The following VPS54 variants were observed in gnomAD, a reference collection of about 807,000 sequenced individuals.
The protein encoded by VPS54 is VPS54 subunit of GARP complex.
In VPS54, 45 loss-of-function variants were observed where a neutral mutation model predicts 121.5. The ratio of observed to expected loss-of-function variants is 0.37; its 90% confidence interval spans 0.29 to 0.47. VPS54 has a LOEUF of 0.47. VPS54 is among the 20% of genes least tolerant of loss of function. The probability of loss-of-function intolerance (pLI) is 0.99; values close to 1 mark genes in which losing one functional copy is unlikely to be tolerated. For missense variants in VPS54, 1,090 were observed against 1,131.4 expected (o/e 0.96, Z 0.52); for synonymous variants, 371 against 385.8 (o/e 0.96, Z 0.45).
intron 20 of VPS54, among the ~76,000 whole-genome samples, chr2:63,910,694 C>G (rs6705192): frequency 0.78 from 118,377 of 152,092 alleles, 47,384 homozygotes; most frequent in African/African-American, 0.89. Context: ...GAATATAGGT[C>G]ATGCATACAT....
intron 5 of VPS54, among the ~76,000 whole-genome samples, chr2:63,967,282 G>C (rs1201261424): frequency 1.3e-5 from 2 of 151,860 alleles, no homozygotes; most frequent in East Asian, 3.8e-4. Context: ...TCCCTGCTTT[G>C]GTATTATAAC....
In VPS54 at chr2:63,976,021, C is replaced by T. The variant is rs978852183; in HGVS notation, c.379-3777G>A. On this transcript the variant is annotated intron_variant, in intron 3 of 22. Transcript: ENST00000272322. ...CTGGGATTACAGGCGTGAGCCGACA[C>T]GCCCGGTACATTCTTTATCAAGTTA... Among the ~76,000 whole-genome samples, 8 of 152,168 alleles carry T rather than the reference C, an allele frequency of 5.3e-5. No homozygotes were observed. In the South Asian group the frequency reaches 6.2e-4, roughly 12 times the overall value.
chr2:64,012,765 T>C (rs1678489591), intron 1 of VPS54, among the ~76,000 whole-genome samples: 1 of 152,022 alleles, frequency 6.6e-6, no homozygotes, highest in African/African-American at 2.4e-5. Context: ...CTCCTCCAGC[T>C]ACTACTTCTC....
chr2:63,897,597 AAG>A lies in VPS54; in HGVS notation c.2734-9_2734-8del, dbSNP rs1262493680. 6.8e-6 allele frequency: 10 copies of A among 1,464,360 alleles called. No homozygotes were observed. The highest frequency in any genetic ancestry group is 1.8e-4 in the Middle Eastern group (1 of 5,610). The allele number at this position is 1,464,360 out of a possible 1,614,324, so 90.7% of individuals were successfully genotyped here. A position where few individuals can be genotyped will look rare whatever the true frequency, so the allele number is the denominator to read the frequency against. ...TAATTCTTAAAAATAACATCTGAAA[AAG>A]AAATAAAACTAAGTTTCTTAAAGTT... is the stretch of plus-strand genomic sequence containing the variant. On this transcript the variant is annotated splice_region_variant and splice_polypyrimidine_tract_variant and intron_variant, in intron 21 of 22. Transcript: ENST00000272322.
rs756260045 is a variant in VPS54 at position 63,916,890 on chromosome 2, T to A, written c.2228+10A>T. The A allele has an allele frequency of 6.2e-7, 1 of 1,613,176 alleles. No individual in the cohort carries two copies. The highest frequency in any genetic ancestry group is 1.1e-5 in the South Asian group (1 of 90,992). Reference sequence around the variant, plus strand: ...TTGACTCAACTACTAAAGAAAAATGTGTCACTCACCCAACAACTGCATACT... The same window carrying A: ...TTGACTCAACTACTAAAGAAAAATGAGTCACTCACCCAACAACTGCATACT... On this transcript the variant is annotated intron_variant, in intron 16 of 22. Coordinates refer to ENST00000272322, the MANE Select transcript of VPS54 (RefSeq NM_016516.3).
intron 1 of VPS54, among the ~76,000 whole-genome samples, chr2:64,017,574 G>C (rs958590217): frequency 3.3e-5 from 5 of 152,168 alleles, no homozygotes; most frequent in African/African-American, 1.2e-4. Flanking sequence ...GCCAAATGCT[G>C]TAGTAACAAT....
At chr2:63,920,343 C>CAG (rs1673585493) in intron 14 of VPS54, 103 bp downstream of exon 14, 2 of 1,098,602 alleles carry the variant, frequency 1.8e-6, no homozygotes, top group East Asian at 5.8e-5. Flanking sequence ...AAACCTTTAT[C>CAG]AGGCATTTTC....
At chr2:63,935,308 T>C (rs1195073282) in intron 11 of VPS54, among the ~76,000 whole-genome samples, 1 of 152,182 alleles carries the variant, frequency 6.6e-6, no homozygotes, top group East Asian at 1.9e-4. Context: ...CCATACAGTA[T>C]ACCGAAGATA....
chr2:63,906,208 G>A (rs1237761392), intron 20 of VPS54, among the ~76,000 whole-genome samples: 1 of 152,094 alleles, frequency 6.6e-6, no homozygotes, highest in Non-Finnish European at 1.5e-5. Flanking sequence ...AGAAATAAAA[G>A]GTATACAGAT....
chr2:63,949,177 G>T lies in VPS54; in HGVS notation c.1011-14C>A. On this transcript the variant is annotated splice_polypyrimidine_tract_variant and intron_variant, in intron 7 of 22. Transcript: ENST00000272322. ...GATCCCAAATGCCTAAAAAGGAAGA[G>T]AAAAATGTTATATTTATATTCACTA... The T allele has an allele frequency of 6.3e-7, 1 of 1,597,836 alleles. No individual in the cohort carries two copies. Among genetic ancestry groups the T allele is most frequent in the Non-Finnish European group, 8.5e-7 (1 of 1,176,234 alleles).
At chr2:64,013,702 G>A (rs1345324496) in intron 1 of VPS54, among the ~76,000 whole-genome samples, 1 of 144,862 alleles carries the variant, frequency 6.9e-6, no homozygotes, top group African/African-American at 2.5e-5. Flanking sequence ...CATATATAGA[G>A]ATATATATAT....
At chr2:63,913,452 T>C (rs998978236) in intron 17 of VPS54, 142 bp from the exon 18 acceptor site, 1 of 475,772 alleles carries the variant, frequency 2.1e-6, no homozygotes. Context: ...AATTAGTATC[T>C]ATTTATTTAA....
intron 15 of VPS54, 38 bp from the exon 16 acceptor site, chr2:63,917,001 C>G (rs367631876): frequency 6.2e-7 from 1 of 1,601,786 alleles, no homozygotes. Flanking sequence ...ACAAGAGTAC[C>G]AGACGAAACA....
intron 1 of VPS54, among the ~76,000 whole-genome samples, chr2:64,005,717 T>C (rs1484263359): frequency 6.6e-6 from 1 of 152,186 alleles, no homozygotes; most frequent in African/African-American, 2.4e-5. Context: ...CAATCAAAAA[T>C]GTCCTAGGGT....
chr2:64,017,043 AAG>A (rs1240900522), intron 1 of VPS54, among the ~76,000 whole-genome samples: 2 of 148,228 alleles, frequency 1.3e-5, no homozygotes, highest in Non-Finnish European at 3.0e-5. Flanking sequence ...AAAAAAAAAA[AAG>A]AGTGTGATGG....
chr2:63,900,220 CAAAAAAAAAAAA>C (rs70965149), intron 20 of VPS54, among the ~76,000 whole-genome samples: 3 of 63,388 alleles, frequency 4.7e-5, no homozygotes, highest in East Asian at 6.2e-4. Flanking sequence ...AACTCTGTCT[CAAAAAAAAAAAA>C]AAAAAAAAAA....
rs115015247 is a variant in VPS54, at chr2:63,950,347, T to G, written c.1011-1184A>C. Among the ~76,000 whole-genome samples the G allele has an allele frequency of 4.1e-3, 620 of 152,270 alleles. 4 individuals are homozygous for G. The highest frequency in any genetic ancestry group is 0.014 in the African/African-American group (597 of 41,558). On this transcript the variant is annotated intron_variant, in intron 7 of 22. Transcript: ENST00000272322. ...CCATAGAGTAGTGTGTGTAATGAGCTGTAAAGGTACTTATGACTCTCTGAT... is the reference window on the plus strand; with the variant it reads ...CCATAGAGTAGTGTGTGTAATGAGCGGTAAAGGTACTTATGACTCTCTGAT...
chr2:63,985,132 C>A (rs1263983172), intron 1 of VPS54, among the ~76,000 whole-genome samples: 1 of 152,056 alleles, frequency 6.6e-6, no homozygotes, highest in African/African-American at 2.4e-5. Context: ...CCAGCCTGAA[C>A]GACATGATGA....
chr2:63,893,985 G>A (rs1672334721), intron 22 of VPS54, among the ~76,000 whole-genome samples: 1 of 152,068 alleles, frequency 6.6e-6, no homozygotes, highest in Admixed American at 6.6e-5. Flanking sequence ...GTATATAAGC[G>A]ATACTGGATA....
Sources: allele counts gnomAD v4.1 joint callset (sites outside exome capture counted in the v4.1 genomes callset), GRCh38; gene constraint gnomAD v4.1.1; transcripts MANE v1.5; gene names NCBI Gene and HGNC (gene_info 2026-07-23, HGNC 2026-07-21).